Variants in MCC observed in about 807,000 individuals in gnomAD.
The protein encoded by MCC is colorectal mutant cancer protein.
In MCC, 90 loss-of-function variants were observed where a neutral mutation model predicts 116.2. The observed-to-expected ratio is 0.77, with a 90% CI of 0.65 to 0.92. MCC has a LOEUF of 0.92. MCC is among the 40% of genes least tolerant of loss of function. The pLI is 0.00. For missense variants in MCC, 1,516 were observed against 1,312.2 expected (o/e 1.16, Z -2.40); for synonymous variants, 578 against 510.5 (o/e 1.13, Z -1.78).
At chr5:113,221,521 T>C (rs987790979) in intron 3 of MCC, among the ~76,000 whole-genome samples, 3 of 152,378 alleles carry the variant, frequency 2.0e-5, no homozygotes, top group South Asian at 2.1e-4. Context: ...TTAGAAATTA[T>C]GGTTTAGGAG....
chr5:113,437,308 C>G (rs889165381), intron 1 of MCC: 5 of 152,182 alleles, frequency 3.3e-5, no homozygotes, highest in Admixed American at 1.3e-4. Context: ...TGTGTGTCCC[C>G]TGGCTGCCCT....
At chr5:113,191,236 T>G (rs1762135760) in intron 3 of MCC, among the ~76,000 whole-genome samples, 1 of 152,214 alleles carries the variant, frequency 6.6e-6, no homozygotes, top group African/African-American at 2.4e-5. Flanking sequence ...CCCATCTGCC[T>G]CCGCACCAGT....
At chr5:113,237,598 G>A (rs1764180556) in intron 3 of MCC, among the ~76,000 whole-genome samples, 1 of 152,174 alleles carries the variant, frequency 6.6e-6, no homozygotes, top group African/African-American at 2.4e-5. Flanking sequence ...CAAGGCACTG[G>A]GAGGAAACAC....
intron 1 of MCC, 54 bp downstream of exon 1, chr5:113,488,191 C>T: frequency 1.3e-6 from 2 of 1,549,934 alleles, no homozygotes; most frequent in Non-Finnish European, 1.7e-6. Context: ...GGGTCAAGGG[C>T]GCGCGGAGGG....
intron 1 of MCC, among the ~76,000 whole-genome samples, chr5:113,419,512 T>A (rs1205634954): frequency 6.6e-6 from 1 of 152,096 alleles, no homozygotes; most frequent in East Asian, 1.9e-4. Flanking sequence ...AGGAACAGTC[T>A]GAAATTTGAT....
intron 2 of MCC, among the ~76,000 whole-genome samples, chr5:113,345,461 C>T (rs886261095): frequency 2.6e-5 from 4 of 152,174 alleles, no homozygotes; most frequent in African/African-American, 9.7e-5. Context: ...TGGGTGAGAT[C>T]CAGTGCTGTG....
At chr5:113,339,613 G>A (rs1290488339) in intron 3 of MCC, among the ~76,000 whole-genome samples, 1 of 152,014 alleles carries the variant, frequency 6.6e-6, no homozygotes, top group African/African-American at 2.4e-5. Context: ...TTTTGGTTAC[G>A]TATTTTGTAG....
At chr5:113,344,696 C>T (rs530454865) in intron 2 of MCC, among the ~76,000 whole-genome samples, 2 of 151,948 alleles carry the variant, frequency 1.3e-5, no homozygotes, top group African/African-American at 4.8e-5. Flanking sequence ...CAGAAAGGAA[C>T]CTTCTGCCTT....
intron 3 of MCC, among the ~76,000 whole-genome samples, chr5:113,304,333 A>C (rs889456492): frequency 2.0e-5 from 3 of 152,250 alleles, no homozygotes; most frequent in Non-Finnish European, 2.9e-5. Flanking sequence ...TCCAGATTAC[A>C]TCTCACATAC....
intron 3 of MCC, among the ~76,000 whole-genome samples, chr5:113,236,104 C>T (rs1461679223): frequency 6.6e-6 from 1 of 152,146 alleles, no homozygotes; most frequent in African/African-American, 2.4e-5. Context: ...ATGCTGGCTG[C>T]AAGATCCTCT....
At chr5:113,231,962 T>A (rs1461824795) in intron 3 of MCC, among the ~76,000 whole-genome samples, 1 of 152,158 alleles carries the variant, frequency 6.6e-6, no homozygotes, top group Non-Finnish European at 1.5e-5. Flanking sequence ...CACTAAGTTG[T>A]ACAGGACCTA....
intron 2 of MCC, among the ~76,000 whole-genome samples, chr5:113,368,332 CT>C (rs1768751909): frequency 6.6e-6 from 1 of 152,172 alleles, no homozygotes; most frequent in South Asian, 2.1e-4. Flanking sequence ...TGCTAGGATA[CT>C]TCCCAGGCAC....
At chr5:113,147,569 C>T (rs1272881920) in intron 4 of MCC, among the ~76,000 whole-genome samples, 1 of 152,176 alleles carries the variant, frequency 6.6e-6, no homozygotes, top group African/African-American at 2.4e-5. Context: ...TAGTACCACT[C>T]TCTTTTAAAA....
chr5:113,101,746 C>A lies in MCC; in HGVS notation c.1391G>T (p.Arg464Leu). ...NAIREERDRL[R>L]RRVRELQTRL... is the part of the protein sequence containing the mutation. ...TGGATGCAGCATGCTCACCCTCCTC[C>A]GGAGCCGGTCCCGCTCTTCCCGGAT... is the stretch of plus-strand genomic sequence containing the variant. The change falls in exon 8 of 19, where the codon CGG (arginine) becomes CTG (leucine). Residue 464 changes from arginine to leucine, a missense_variant. Arg to Leu is a moderately radical substitution (Grantham distance 102, BLOSUM62 -2). Coordinates refer to ENST00000408903, the MANE Select transcript of MCC (RefSeq NM_001085377.2). 6.2e-7 allele frequency: 1 copy of A among 1,613,184 alleles called. No homozygotes were observed. Among genetic ancestry groups the A allele is most frequent in the Non-Finnish European group, 8.5e-7 (1 of 1,180,034 alleles).
At position 113,270,846 on chromosome 5, in the gene MCC, G is replaced by A. The variant is rs1034125097; in HGVS notation, c.627+69673C>T. On this transcript the variant is annotated intron_variant, in intron 3 of 18. Transcript: ENST00000408903. ...GGGCCCACACACTACCAACACTGGT[G>A]CTAAGAAAAGCCTTTGACAGAAAGA... Among the ~76,000 whole-genome samples the A allele has an allele frequency of 4.6e-5, 7 of 151,732 alleles. No homozygotes were observed. The South Asian group carries it at 6.3e-4, about 14-fold the overall frequency.
chr5:113,290,869 A>T (rs978456005), intron 3 of MCC, among the ~76,000 whole-genome samples: 10 of 151,018 alleles, frequency 6.6e-5, no homozygotes, highest in South Asian at 4.2e-4. Flanking sequence ...TCTCAATTTT[A>T]AAAAAAAATC....
intron 1 of MCC, among the ~76,000 whole-genome samples, chr5:113,418,377 A>G (rs1166759188): frequency 6.6e-6 from 1 of 152,106 alleles, no homozygotes; most frequent in Non-Finnish European, 1.5e-5. Context: ...TCATTGTGCC[A>G]AAGTTTACCT....
rs1364979696 is a variant in MCC at position 113,385,216 on chromosome 5, C to A, written c.171-4G>T. On this transcript the variant is annotated splice_region_variant and splice_polypyrimidine_tract_variant and intron_variant, in intron 1 of 18. Coordinates refer to ENST00000408903, the MANE Select transcript of MCC (RefSeq NM_001085377.2). Reference sequence around the variant, plus strand: ...ACAGACCATTAGCAAGTCATTTCTGCAGAAGGGGTTGAACAGAAGAAAATG... The same window carrying A: ...ACAGACCATTAGCAAGTCATTTCTGAAGAAGGGGTTGAACAGAAGAAAATG... 1.2e-6 allele frequency: 2 copies of A among 1,612,850 alleles called. No homozygotes were observed. Among genetic ancestry groups the A allele is most frequent in the East Asian group, 4.5e-5 (2 of 44,846 alleles).
intron 3 of MCC, among the ~76,000 whole-genome samples, chr5:113,166,670 C>T (rs6871578): frequency 0.08 from 11,678 of 145,696 alleles, 941 homozygotes; most frequent in African/African-American, 0.21. Context: ...CTCTGTGAGT[C>T]TTCCCATTAC....
Sources: allele counts gnomAD v4.1 joint callset (sites outside exome capture counted in the v4.1 genomes callset), GRCh38; gene constraint gnomAD v4.1.1; transcripts MANE v1.5; gene names NCBI Gene and HGNC (gene_info 2026-07-23, HGNC 2026-07-21).